The following GRIK2 variants were observed in gnomAD, a reference collection of about 807,000 sequenced individuals.
GRIK2 encodes glutamate ionotropic receptor kainate type subunit 2.
In GRIK2, 32 loss-of-function variants were observed where a neutral mutation model predicts 100.3. The ratio of observed to expected loss-of-function variants is 0.32; its 90% confidence interval spans 0.24 to 0.43. The LOEUF (loss-of-function observed/expected upper bound fraction) is 0.43. Ranked by LOEUF, GRIK2 falls within the 20% of genes least tolerant of loss-of-function variation. The probability of loss-of-function intolerance (pLI) is 1.00; values close to 1 mark genes in which losing one functional copy is unlikely to be tolerated. For missense variants in GRIK2, 843 were observed against 1,114.9 expected (o/e 0.76, Z 3.47); for synonymous variants, 417 against 389.4 (o/e 1.07, Z -0.83).
intron 16 of GRIK2, chr6:102,063,976 G>A: frequency 6.5e-7 from 1 of 1,527,896 alleles, no homozygotes; most frequent in Non-Finnish European, 9.0e-7. Context: ...CTTCTATTTG[G>A]TTAGTGCCAC....
intron 2 of GRIK2, among the ~76,000 whole-genome samples, chr6:101,532,235 A>G (rs1304494273): frequency 6.6e-6 from 1 of 151,820 alleles, no homozygotes; most frequent in East Asian, 1.9e-4. Context: ...TTTCTCTATA[A>G]TGCTCTTTCT....
At chr6:101,841,712 G>A (rs1385926461) in intron 10 of GRIK2, among the ~76,000 whole-genome samples, 1 of 152,082 alleles carries the variant, frequency 6.6e-6, no homozygotes, top group Non-Finnish European at 1.5e-5. Context: ...TTTCTCAGAA[G>A]AATACACTGT....
At chr6:101,405,683 C>T (rs1775557418) in intron 2 of GRIK2, among the ~76,000 whole-genome samples, 1 of 152,084 alleles carries the variant, frequency 6.6e-6, no homozygotes, top group Non-Finnish European at 1.5e-5. Context: ...GTAGTAAGTC[C>T]CTTCTGCCCC....
intron 2 of GRIK2, among the ~76,000 whole-genome samples, chr6:101,489,863 T>G (rs1773015061): frequency 6.8e-6 from 1 of 146,974 alleles, no homozygotes; most frequent in Admixed American, 6.8e-5. Flanking sequence ...AGGTACTATA[T>G]AGATGTATAT....
At chr6:101,401,906 T>G (rs773686770) in intron 2 of GRIK2, among the ~76,000 whole-genome samples, 14 of 152,142 alleles carry the variant, frequency 9.2e-5, no homozygotes, top group Non-Finnish European at 1.9e-4. Flanking sequence ...CAGCATCCAG[T>G]GTCCCTTCCA....
chr6:101,887,841 A>G (rs1343138219), intron 11 of GRIK2, among the ~76,000 whole-genome samples: 2 of 152,110 alleles, frequency 1.3e-5, no homozygotes, highest in Non-Finnish European at 2.9e-5. Flanking sequence ...AACCACCTCC[A>G]TGATGCAATC....
intron 14 of GRIK2, among the ~76,000 whole-genome samples, chr6:101,961,476 A>G (rs1792296254): frequency 6.6e-6 from 1 of 152,084 alleles, no homozygotes; most frequent in Admixed American, 6.5e-5. Flanking sequence ...AAGAACAGCT[A>G]GCTGCAGCTG....
intron 2 of GRIK2, among the ~76,000 whole-genome samples, chr6:101,514,536 T>C (rs1774484685): frequency 6.6e-6 from 1 of 152,112 alleles, no homozygotes; most frequent in Non-Finnish European, 1.5e-5. Context: ...TAGTTTTCCT[T>C]TTAGGGTTAA....
intron 2 of GRIK2, among the ~76,000 whole-genome samples, chr6:101,531,461 T>C (rs951870003): frequency 1.3e-4 from 20 of 152,030 alleles, no homozygotes; most frequent in African/African-American, 4.8e-4. Context: ...TGAGAGTCTT[T>C]CTAGAAGTTG....
chr6:102,009,939 A>G (rs1026930063), intron 14 of GRIK2, among the ~76,000 whole-genome samples: 1 of 152,182 alleles, frequency 6.6e-6, no homozygotes, highest in Non-Finnish European at 1.5e-5. Context: ...GAATGTATTT[A>G]TGCTTTTAAT....
intron 14 of GRIK2, among the ~76,000 whole-genome samples, chr6:102,029,584 A>G (rs546728350): frequency 6.6e-6 from 1 of 151,366 alleles, no homozygotes; most frequent in Admixed American, 6.6e-5. Flanking sequence ...TTGCTTTATT[A>G]AAAATAAATC....
chr6:101,602,544 A>C (rs1462452347), intron 2 of GRIK2, among the ~76,000 whole-genome samples: 1 of 151,338 alleles, frequency 6.6e-6, no homozygotes, highest in Admixed American at 6.6e-5. Context: ...AGAGGGAGAG[A>C]ATGAATGATT....
At chr6:101,697,917 C>G (rs1323565443) in intron 7 of GRIK2, among the ~76,000 whole-genome samples, 1 of 152,048 alleles carries the variant, frequency 6.6e-6, no homozygotes, top group Non-Finnish European at 1.5e-5. Context: ...AAGTGATATC[C>G]ATTTGTTTCA....
At chr6:101,462,644 A>C (rs1180315650) in intron 2 of GRIK2, among the ~76,000 whole-genome samples, 1 of 152,240 alleles carries the variant, frequency 6.6e-6, no homozygotes, top group Non-Finnish European at 1.5e-5. Context: ...AGTTAAAGTC[A>C]GGCCTGTGCC....
intron 10 of GRIK2, among the ~76,000 whole-genome samples, chr6:101,858,040 C>T (rs563038860): frequency 6.6e-5 from 10 of 152,298 alleles, no homozygotes; most frequent in African/African-American, 2.2e-4. Flanking sequence ...GACTCTTTCT[C>T]ATCTGTTGGA....
intron 4 of GRIK2, among the ~76,000 whole-genome samples, chr6:101,672,279 C>T (rs1182609762): frequency 2.0e-5 from 3 of 152,116 alleles, no homozygotes; most frequent in African/African-American, 7.2e-5. Context: ...TGTTTGTTAG[C>T]AACCCTTGAC....
intron 14 of GRIK2, among the ~76,000 whole-genome samples, chr6:101,958,758 A>AT (rs1299333945): frequency 3.3e-5 from 5 of 151,882 alleles, no homozygotes; most frequent in East Asian, 3.9e-4. Context: ...TTATAAAATT[A>AT]TTTTTTCTGA....
At chr6:101,762,453 C>G (rs1231049680) in intron 7 of GRIK2, among the ~76,000 whole-genome samples, 1 of 151,982 alleles carries the variant, frequency 6.6e-6, no homozygotes, top group African/African-American at 2.4e-5. Context: ...TTTCCTGACA[C>G]CGGTATCTCC....
At chr6:101,648,736 G>A (rs369969279) in intron 4 of GRIK2, among the ~76,000 whole-genome samples, 38 of 151,928 alleles carry the variant, frequency 2.5e-4, no homozygotes, top group Middle Eastern at 6.8e-3. Flanking sequence ...TATTTATATC[G>A]TTAGAGAATT....
Sources: gnomAD v4.1 joint callset for allele counts (sites outside exome capture counted in the v4.1 genomes callset) on GRCh38, gnomAD v4.1.1 for gene constraint, MANE v1.5 for transcripts, NCBI Gene and HGNC (gene_info 2026-07-23, HGNC 2026-07-21) for gene names.